TPD52: variants seen among roughly 807,000 people sequenced by gnomAD.
The protein encoded by TPD52 is prostate and colon associated protein.
Under a neutral mutation model 31.3 loss-of-function variants are expected in TPD52, and 17 were observed. That is an observed-to-expected ratio of 0.54 (90% CI 0.37 to 0.82). The LOEUF is 0.82. Ranked by LOEUF, TPD52 falls within the 40% of genes least tolerant of loss-of-function variation. TPD52 has a pLI of 0.00. For missense variants in TPD52, 212 were observed against 240.1 expected, an observed-to-expected ratio of 0.88 and a Z score of 0.77; for synonymous variants, 83 against 89.6, an observed-to-expected ratio of 0.93 and a Z score of 0.42.
chr8:80,045,333 T>A (rs991486453), intron 5 of TPD52, among the ~76,000 whole-genome samples: 1 of 152,222 alleles, frequency 6.6e-6, no homozygotes, highest in African/African-American at 2.4e-5. Flanking sequence ...CTGCCTGGAA[T>A]AGTCACATTG....
chr8:80,051,418 A>G, intron 4 of TPD52, 109 bp downstream of exon 4: 1 of 1,014,376 alleles, frequency 9.9e-7, no homozygotes, highest in Admixed American at 1.9e-5. Flanking sequence ...CCTCACTCTA[A>G]CAGGAGTAGC....
At chr8:80,070,047 TCTTTA>T (rs1231082221) in intron 1 of TPD52, among the ~76,000 whole-genome samples, 11 of 152,216 alleles carry the variant, frequency 7.2e-5, no homozygotes, top group Non-Finnish European at 4.4e-5. Flanking sequence ...AGTAGCTCTC[TCTTTA>T]CTTTCCCATG....
intron 1 of TPD52, among the ~76,000 whole-genome samples, chr8:80,105,088 A>T (rs1807009752): frequency 6.6e-6 from 1 of 152,264 alleles, no homozygotes; most frequent in African/African-American, 2.4e-5. Context: ...AAAATTTTTT[A>T]AAAGAAAATT....
At chr8:80,047,880 T>C (rs1161033913) in intron 5 of TPD52, among the ~76,000 whole-genome samples, 1 of 152,206 alleles carries the variant, frequency 6.6e-6, no homozygotes, top group Non-Finnish European at 1.5e-5. Flanking sequence ...CAAAATTAAT[T>C]AGCACTTCCT....
chr8:80,032,048 G>A (rs112480438), downstream of TPD52, among the ~76,000 whole-genome samples: 71 of 151,508 alleles, frequency 4.7e-4, no homozygotes, highest in Non-Finnish European at 8.7e-4. Context: ...ATCCACTCAG[G>A]AGGCTGAGGC....
In TPD52 at chr8:80,044,357, A is replaced by C. The variant is rs1015564734; in HGVS notation, c.414-149T>G. ...TACTTTTTGAGGTGGAGGGGATCAA[A>C]GTTATTCCAACATAATTTACTTTTA... On this transcript the variant is annotated intron_variant, in intron 5 of 7. Coordinates refer to ENST00000518937, the MANE Select transcript of TPD52 (RefSeq NM_001025253.3). The C allele has an allele frequency of 6.1e-6, 4 of 650,482 alleles. No individual in the cohort carries two copies. The African/African-American group carries it at 7.9e-5, about 13-fold the overall frequency. 40.3% of individuals were successfully genotyped at this position (650,482 alleles called of 1,614,324 possible). A position where few individuals can be genotyped will look rare whatever the true frequency, so the allele number is the denominator to read the frequency against.
intron 1 of TPD52, among the ~76,000 whole-genome samples, chr8:80,126,479 ATTTT>A (rs752947491): frequency 4.0e-5 from 5 of 126,456 alleles, no homozygotes; most frequent in Admixed American, 1.7e-4. Context: ...AAAGTTTATA[ATTTT>A]TTTTTTTTTT....
In TPD52 at chr8:80,171,456, C is replaced by T. The variant is rs369768125; in HGVS notation, c.-13G>A. 80 of 1,588,820 alleles carry T rather than the reference C, an allele frequency of 5.0e-5. No homozygotes were observed. The highest frequency in any genetic ancestry group is 6.5e-5 in the Non-Finnish European group (77 of 1,176,288). ...CGCCGCGGTCCATGTCTCCAGCCCG[C>T]CGCCTCGTGTCCTCTGCAGCACCCC... On this transcript the variant is annotated 5_prime_UTR_variant, in exon 1 of 8. Coordinates refer to ENST00000518937, the MANE Select transcript of TPD52 (RefSeq NM_001025253.3).
chr8:80,064,650 T>G (rs1388010749), intron 1 of TPD52, 57 bp from the exon 2 acceptor site: 3 of 1,274,484 alleles, frequency 2.4e-6, no homozygotes, highest in Middle Eastern at 1.8e-4. Flanking sequence ...AATCCCTATT[T>G]AAGCTCCTCC....
chr8:80,038,219 G>GT lies in TPD52; in HGVS notation c.520dup (p.Thr174AsnfsTer7), dbSNP rs753518032. On this transcript the variant is annotated frameshift_variant, in exon 8 of 8. Coordinates refer to ENST00000518937, the MANE Select transcript of TPD52 (RefSeq NM_001025253.3). LOFTEE classifies it high-confidence loss of function. ...TCCAAAATCACCACCAGCAGGCTTG[G>GT]TTCCCCCTACTTTAGACTTAAAAAA... 1 of 1,613,920 alleles carries GT rather than the reference G, an allele frequency of 6.2e-7. No homozygotes were observed. The highest frequency in any genetic ancestry group is 8.5e-7 in the Non-Finnish European group (1 of 1,179,934).
At chr8:80,099,526 T>G (rs1412405729) in intron 1 of TPD52, among the ~76,000 whole-genome samples, 1 of 147,146 alleles carries the variant, frequency 6.8e-6, no homozygotes, top group Non-Finnish European at 1.5e-5. Context: ...TTTTTTTTTT[T>G]TTGAGATGAA....
intron 1 of TPD52, among the ~76,000 whole-genome samples, chr8:80,127,999 T>TTG (rs1427516530): frequency 1.4e-5 from 2 of 143,664 alleles, no homozygotes; most frequent in African/African-American, 5.7e-5. Context: ...CTGTTTTGTT[T>TTG]TTTTTTTTAC....
Position 80,171,406 on chromosome 8 carries a change from G to C in TPD52, c.19+19C>G, listed in dbSNP as rs767001441. 2 of 1,595,588 alleles carry C rather than the reference G, an allele frequency of 1.3e-6. No homozygotes were observed. Among genetic ancestry groups the C allele is most frequent in the Non-Finnish European group, 1.7e-6 (2 of 1,177,764 alleles). On this transcript the variant is annotated intron_variant, in intron 1 of 7. Transcript: ENST00000518937. Reference sequence around the variant, plus strand: ...CGAGTCCAAGCCCGAGCCCAAGCCCGCTGGGTCCGCGCCCTCACCTTGCTC... The same window carrying C: ...CGAGTCCAAGCCCGAGCCCAAGCCCCCTGGGTCCGCGCCCTCACCTTGCTC...
At position 80,128,494 on chromosome 8, in the gene TPD52, CAAA is replaced by C. The variant is rs3053828; in HGVS notation, c.19+42928_19+42930del. ...GCAACACAAGGAGACCCTGTCTCTA[CAAA>C]AAAAAAAAAAAAAAATGCTGGGCAT... is the stretch of plus-strand genomic sequence containing the variant. On this transcript the variant is annotated intron_variant, in intron 1 of 7. Coordinates refer to ENST00000518937, the MANE Select transcript of TPD52 (RefSeq NM_001025253.3). 3.6e-3 allele frequency among the ~76,000 whole-genome samples: 296 copies of C among 83,124 alleles called. 4 individuals carry two copies. Among genetic ancestry groups the C allele is most frequent in the African/African-American group, 0.015 (284 of 18,940 alleles). The allele number at this position is 83,124 out of a possible 152,430, so 54.5% of individuals were successfully genotyped here. A position where few individuals can be genotyped will look rare whatever the true frequency, so the allele number is the denominator to read the frequency against.
chr8:80,112,097 G>T (rs1807535801), intron 1 of TPD52, among the ~76,000 whole-genome samples: 1 of 152,136 alleles, frequency 6.6e-6, no homozygotes, highest in African/African-American at 2.4e-5. Context: ...ACAGCACAAG[G>T]ACAAATAAAA....
intron 5 of TPD52, among the ~76,000 whole-genome samples, chr8:80,045,404 ACTG>A (rs1810743792): frequency 2.0e-5 from 3 of 152,324 alleles, no homozygotes; most frequent in Admixed American, 2.0e-4. Context: ...ACCACCCACC[ACTG>A]CTAACCTCCC....
At chr8:80,108,567 A>C (rs903652063) in intron 1 of TPD52, among the ~76,000 whole-genome samples, 1 of 152,220 alleles carries the variant, frequency 6.6e-6, no homozygotes, top group Non-Finnish European at 1.5e-5. Context: ...TTCTTCTTCA[A>C]AGATATTCAC....
intron 1 of TPD52, among the ~76,000 whole-genome samples, chr8:80,126,952 T>A (rs112825858): frequency 2.6e-5 from 4 of 151,954 alleles, no homozygotes; most frequent in Admixed American, 2.0e-4. Flanking sequence ...TACAAAAAAA[T>A]TTTTTAAACA....
intron 1 of TPD52, among the ~76,000 whole-genome samples, chr8:80,126,155 T>G (rs2131054907): frequency 6.6e-6 from 1 of 152,338 alleles, no homozygotes; most frequent in East Asian, 1.9e-4. Flanking sequence ...TTCATTTATT[T>G]TGATTTTGCT....
Sources: allele counts gnomAD v4.1 joint callset (sites outside exome capture counted in the v4.1 genomes callset), GRCh38; gene constraint gnomAD v4.1.1; transcripts MANE v1.5; gene names NCBI Gene and HGNC (gene_info 2026-07-23, HGNC 2026-07-21).